Variants in KRT73 observed in about 807,000 individuals in gnomAD.
KRT73 encodes keratin 73, also known as keratin, type II cytoskeletal 73.
In KRT73, 44 loss-of-function variants were observed where a neutral mutation model predicts 47.2. The ratio of observed to expected loss-of-function variants is 0.93; its 90% CI spans 0.73 to 1.20. KRT73 has a LOEUF of 1.20. KRT73 is among the 50% of genes most tolerant of loss of function. The pLI is 0.00. For missense variants in KRT73, 713 were observed against 704.5 expected (o/e 1.01, Z -0.14); for synonymous variants, 285 against 291.3 (o/e 0.98, Z 0.22).
intron 8 of KRT73, among the ~76,000 whole-genome samples, 171 bp from the exon 9 acceptor site, chr12:52,608,623 G>A (rs977057529): frequency 1.3e-5 from 2 of 152,166 alleles, no homozygotes; most frequent in Non-Finnish European, 2.9e-5. Context: ...GGGAAGAATA[G>A]CCCCAGTCCT....
rs550067765 is a variant in KRT73 at position 52,611,307 on chromosome 12, G to A, written c.1007C>T (p.Ala336Val). The change falls in exon 6 of 9, where the codon GCC becomes GTC. Residue 336 changes from alanine to valine, a missense_variant. Transcript: ENST00000305748. Reference sequence around the variant, plus strand: ...TTTCAGGTCATCCCCATGCCGGCCGGCTGCTAGCTGCAGCTCCTGGAACTA... The same window carrying A: ...TTTCAGGTCATCCCCATGCCGGCCGACTGCTAGCTGCAGCTCCTGGAACTA... ...QTKFQELQLA[A>V]GRHGDDLKHT... is the part of the protein sequence containing the mutation. 3.7e-6 allele frequency: 6 copies of A among 1,614,120 alleles called. No homozygotes were observed. In the East Asian group the frequency reaches 1.3e-4, roughly 36 times the overall value.
Position 52,616,209 on chromosome 12 carries a change from C to G in KRT73, c.619G>C (p.Glu207Gln), listed in dbSNP as rs1468291008. ...LSGDRVRLDS[E>Q]LRSVREVVED... ...ACCACTTCGCGCACGCTCCTCAGCTCCGAGTCCAGCCTCACCCTGTCCCCA... is the reference window on the plus strand; with the variant it reads ...ACCACTTCGCGCACGCTCCTCAGCTGCGAGTCCAGCCTCACCCTGTCCCCA... Residue 207 changes from glutamate (E) to glutamine (Q), a missense_variant, in exon 2 of 9, where the codon GAG (glutamate) becomes CAG (glutamine). Coordinates refer to ENST00000305748, the MANE Select transcript of KRT73 (RefSeq NM_175068.3). 6.2e-7 allele frequency: 1 copy of G among 1,614,150 alleles called. No homozygotes were observed. The highest frequency in any genetic ancestry group is 8.5e-7 in the Non-Finnish European group (1 of 1,180,010).
chr12:52,630,681 T>G, the KRT73 span, among the ~76,000 whole-genome samples: 1 of 152,158 alleles, frequency 6.6e-6, no homozygotes, highest in South Asian at 2.1e-4. Context: ...TGAGTTGGGG[T>G]CCCATCTGTT....
chr12:52,614,485 T>A, intron 4 of KRT73, 94 bp downstream of exon 4: 2 of 1,104,128 alleles, frequency 1.8e-6, no homozygotes, highest in Non-Finnish European at 2.6e-6. Context: ...GGAGGTGCCC[T>A]GGACTGCTTA....
chr12:52,614,316 A>G, intron 4 of KRT73: 1 of 438,212 alleles, frequency 2.3e-6, no homozygotes, highest in Non-Finnish European at 4.0e-6. Context: ...CAGGAATGAG[A>G]ATATGCTTGG....
intron 3 of KRT73, 49 bp from the exon 4 acceptor site, chr12:52,614,723 C>CA (rs757757871): frequency 6.7e-6 from 10 of 1,493,362 alleles, no homozygotes; most frequent in African/African-American, 1.4e-5. Context: ...CAAGCCCAGA[C>CA]AGGCCTCTCC....
upstream of KRT73, among the ~76,000 whole-genome samples, chr12:52,619,094 C>G (rs1413351868): frequency 2.0e-5 from 3 of 152,228 alleles, no homozygotes; most frequent in African/African-American, 7.2e-5. Context: ...AATCCAGGAC[C>G]AGCCTCTGGC....
intron 5 of KRT73, chr12:52,612,960 T>C (rs1398622436): frequency 6.6e-6 from 1 of 152,174 alleles, no homozygotes; most frequent in East Asian, 1.9e-4. Flanking sequence ...GTGGAAGGCT[T>C]TGGGGACTGA....
At chr12:52,630,512 A>G in the KRT73 span, among the ~76,000 whole-genome samples, 2 of 152,330 alleles carry the variant, frequency 1.3e-5, no homozygotes, top group Admixed American at 6.5e-5. Context: ...GTAGGCAGTG[A>G]GTGGATCACG....
At chr12:52,630,134 A>G in the KRT73 span, among the ~76,000 whole-genome samples, 1 of 152,252 alleles carries the variant, frequency 6.6e-6, no homozygotes, top group African/African-American at 2.4e-5. Flanking sequence ...GGCCAGGATC[A>G]GTGCTCATCA....
In KRT73 at chr12:52,618,420, C is replaced by G. The variant is rs764024779; in HGVS notation, c.105G>C (p.Gly35=). The change falls in exon 1 of 9, where the codon GGG becomes GGC. Residue 35 remains glycine (G), a synonymous_variant. Coordinates refer to ENST00000305748, the MANE Select transcript of KRT73 (RefSeq NM_175068.3). ...TGAAGCCTCCACTGAGCCCTTTGCCCCCTGCTCGGTAGGAGGATGAGCTGC... is the reference window on the plus strand; with the variant it reads ...TGAAGCCTCCACTGAGCCCTTTGCCGCCTGCTCGGTAGGAGGATGAGCTGC... ...SGGSSSSYRA[G]GKGLSGGFSS... The G allele has an allele frequency of 1.9e-6, 3 of 1,614,006 alleles. No individual in the cohort carries two copies. The highest frequency in any genetic ancestry group is 1.3e-5 in the African/African-American group (1 of 74,950).
chr12:52,616,238 A>T lies in KRT73; in HGVS notation c.590T>A (p.Leu197Gln). ...ISNLRKQLET[L>Q]SGDRVRLDSE... is the part of the protein sequence containing the mutation. ...GTCCAGCCTCACCCTGTCCCCAGAC[A>T]GCGTCTCCAGCTGCTTCCGCAGGTT... Residue 197 changes from leucine (L) to glutamine (Q), a missense_variant, in exon 2 of 9, where the codon CTG becomes CAG. By Grantham distance (113) the Leu-to-Gln change is moderately radical. Transcript: ENST00000305748. 6.2e-7 allele frequency: 1 copy of T among 1,614,132 alleles called. No homozygotes were observed. The highest frequency in any genetic ancestry group is 1.7e-5 in the Admixed American group (1 of 60,018).
At chr12:52,628,513 C>T in the KRT73 span, among the ~76,000 whole-genome samples, 13 of 152,300 alleles carry the variant, frequency 8.5e-5, no homozygotes, top group Non-Finnish European at 1.8e-4. Flanking sequence ...CAACTTCTTG[C>T]TAAACATGGT....
rs754369318 is a variant in KRT73, at chr12:52,611,270, A to C, written c.1044T>G (p.Asn348Lys). The change falls in exon 6 of 9, where the codon AAT (asparagine) becomes AAG (lysine). Residue 348 changes from asparagine to lysine, a missense_variant. Asn to Lys is a moderately conservative substitution (Grantham distance 94). Coordinates refer to ENST00000305748, the MANE Select transcript of KRT73 (RefSeq NM_175068.3). ...TGAGACGGGTCAGCTCTGAGATCTCATTTTTGGTGTGTTTCAGGTCATCCC... is the reference window on the plus strand; with the variant it reads ...TGAGACGGGTCAGCTCTGAGATCTCCTTTTTGGTGTGTTTCAGGTCATCCC... ...RHGDDLKHTK[N>K]EISELTRLIQ... is the part of the protein sequence containing the mutation. The C allele has an allele frequency of 1.1e-5, 17 of 1,613,884 alleles. No homozygotes were observed. The highest frequency in any genetic ancestry group is 1.4e-5 in the Non-Finnish European group (16 of 1,180,000).
chr12:52,616,197 C>T lies in KRT73; in HGVS notation c.631G>A (p.Val211Met), dbSNP rs372147138. The change falls in exon 2 of 9, where the codon GTG becomes ATG. Residue 211 changes from valine (V) to methionine (M), a missense_variant. Val to Met is a conservative substitution (Grantham distance 21). Transcript: ENST00000305748. ...RVRLDSELRS[V>M]REVVEDYKKR... ...TTGTAGTCCTCCACCACTTCGCGCA[C>T]GCTCCTCAGCTCCGAGTCCAGCCTC... The T allele has an allele frequency of 1.3e-5, 21 of 1,613,988 alleles. No individual in the cohort carries two copies. The Middle Eastern group carries it at 4.9e-4, about 38-fold the overall frequency.
chr12:52,611,375 C>G (rs745869247), intron 5 of KRT73, 46 bp from the exon 6 acceptor site: 1 of 1,610,824 alleles, frequency 6.2e-7, no homozygotes, highest in Non-Finnish European at 8.5e-7. Context: ...CAGGGCTTGG[C>G]TGGGATCAGC....
chr12:52,608,355 G>T lies in KRT73; in HGVS notation c.1464C>A (p.Ser488Arg). Residue 488 changes from serine (S) to arginine (R), a missense_variant, in exon 9 of 9, where the codon AGC (serine) becomes AGA (arginine). Ser to Arg is a moderately radical substitution (Grantham distance 110). Coordinates refer to ENST00000305748, the MANE Select transcript of KRT73 (RefSeq NM_175068.3). ...GTYGYWPSSV[S>R]GGYSMLPGGC... The stretch of plus-strand genomic sequence containing the variant: ...CCCCAGGCAGCATGCTGTAGCCCCC[G>T]CTGACAGAGCTGGGCCAGTAGCCGT... 6.2e-7 allele frequency: 1 copy of T among 1,613,510 alleles called. No homozygotes were observed. The highest frequency in any genetic ancestry group is 8.5e-7 in the Non-Finnish European group (1 of 1,180,018).
chr12:52,612,521 G>C (rs945189130), intron 5 of KRT73: 3 of 152,176 alleles, frequency 2.0e-5, no homozygotes, highest in Admixed American at 6.5e-5. Context: ...AAGGCAGAAG[G>C]GCTTCTCTCT....
rs148491349 is a variant in KRT73, at chr12:52,618,219, C to T, written c.306G>A (p.Gly102=). 283 of 1,614,158 alleles carry T rather than the reference C, an allele frequency of 1.8e-4. 1 individual carries two copies. The African/African-American group carries it at 3.1e-3, about 17-fold the overall frequency. Residue 102 remains glycine (G), a synonymous_variant, in exon 1 of 9, where the codon GGG becomes GGA. Coordinates refer to ENST00000305748, the MANE Select transcript of KRT73 (RefSeq NM_175068.3). ...TGTTGATGGTGACCTGATGGATACC[C>T]CCGGGCGGGCACAACGACGGACACA... ...GSVCPSLCPP[G]GIHQVTINKS...
Sources: gnomAD v4.1 joint callset for allele counts (sites outside exome capture counted in the v4.1 genomes callset) on GRCh38, gnomAD v4.1.1 for gene constraint, MANE v1.5 for transcripts, NCBI Gene and HGNC (gene_info 2026-07-23, HGNC 2026-07-21) for gene names.